Variants in SND1 observed in about 807,000 individuals in gnomAD.
SND1 encodes staphylococcal nuclease and tudor domain containing 1.
A neutral mutation model predicts 121.7 loss-of-function variants in SND1; 38 were observed. The ratio of observed to expected loss-of-function variants is 0.31; its 90% CI spans 0.24 to 0.41. The LOEUF is 0.41. Ranked by LOEUF, SND1 falls within the 10% of genes least tolerant of loss-of-function variation. The pLI is 1.00. For missense variants in SND1, 868 were observed against 1,184.6 expected (o/e 0.73, Z 3.92); for synonymous variants, 401 against 447.4 (o/e 0.90, Z 1.31).
At position 127,672,612 on chromosome 7, in the gene SND1, CA is replaced by C. The variant is rs879874752; in HGVS notation, c.79-13989del. On this transcript the variant is annotated intron_variant, in intron 1 of 23. Transcript: ENST00000354725. ...TGGGCGACAGAGCAAAACTCCATCT[CA>C]AAAAAAAAAAAGAAAGAAAAAGAAA... 2.4e-3 allele frequency among the ~76,000 whole-genome samples: 317 copies of C among 133,178 alleles called. 1 individual carries two copies. Among genetic ancestry groups the C allele is most frequent in the Admixed American group, 3.8e-3 (49 of 13,030 alleles). 87.4% of individuals were successfully genotyped at this position (133,178 alleles called of 152,430 possible). A position where few individuals can be genotyped will look rare whatever the true frequency, so the allele number is the denominator to read the frequency against.
chr7:128,067,140 T>A (rs905901278), intron 16 of SND1, among the ~76,000 whole-genome samples: 1 of 152,132 alleles, frequency 6.6e-6, no homozygotes, highest in Non-Finnish European at 1.5e-5. Context: ...CCTCAGAGAA[T>A]GCAGAGCAGA....
chr7:128,059,629 T>TAGAC (rs1280189933), intron 16 of SND1, among the ~76,000 whole-genome samples: 2 of 152,254 alleles, frequency 1.3e-5, no homozygotes, highest in Non-Finnish European at 2.9e-5. Flanking sequence ...CTAGCCCTGC[T>TAGAC]GTCTTTCTGG....
intron 12 of SND1, among the ~76,000 whole-genome samples, chr7:127,853,680 A>G (rs1421160143): frequency 6.6e-6 from 1 of 152,192 alleles, no homozygotes; most frequent in Non-Finnish European, 1.5e-5. Flanking sequence ...CTGGGCTTCA[A>G]AGTTCCATAG....
chr7:127,812,575 C>CT (rs148298622), intron 11 of SND1, among the ~76,000 whole-genome samples: 7,924 of 152,106 alleles, frequency 0.052, 263 homozygotes, highest in Non-Finnish European at 0.078. Flanking sequence ...ACAGGTGTTG[C>CT]TTTTTTTTAT....
At chr7:128,086,838 A>G (rs910169265) in intron 20 of SND1, 100 bp from the exon 21 acceptor site, 3 of 952,606 alleles carry the variant, frequency 3.1e-6, no homozygotes, top group Non-Finnish European at 5.1e-6. Flanking sequence ...AGGGTGGCCC[A>G]GAGTTAGCAT....
chr7:128,065,734 C>T (rs1223416807), intron 16 of SND1, among the ~76,000 whole-genome samples: 6 of 152,190 alleles, frequency 3.9e-5, no homozygotes, highest in Non-Finnish European at 7.3e-5. Context: ...ATGGCCCAAA[C>T]CAGTGTTCAA....
intron 1 of SND1, among the ~76,000 whole-genome samples, chr7:127,654,294 C>T (rs1795174303): frequency 6.6e-6 from 1 of 152,144 alleles, no homozygotes; most frequent in African/African-American, 2.4e-5. Flanking sequence ...ATTTGTAATA[C>T]CTAACAAGTA....
intron 20 of SND1, chr7:128,086,424 T>A (rs941513909): frequency 2.3e-5 from 5 of 214,828 alleles, no homozygotes; most frequent in African/African-American, 1.2e-4. Flanking sequence ...GAGCCCAGAG[T>A]TGGGCCATGC....
At chr7:127,763,051 A>G (rs892502959) in intron 10 of SND1, among the ~76,000 whole-genome samples, 1 of 152,228 alleles carries the variant, frequency 6.6e-6, no homozygotes, top group African/African-American at 2.4e-5. Flanking sequence ...AAAAGGTAGA[A>G]ACAGTCTAAA....
intron 10 of SND1, among the ~76,000 whole-genome samples, chr7:127,751,163 T>C (rs187559236): frequency 2.6e-4 from 40 of 152,156 alleles, no homozygotes; most frequent in East Asian, 7.7e-4. Flanking sequence ...TGTGTGTGTG[T>C]GCGCGCGTGC....
At chr7:127,770,449 G>T (rs920355690) in intron 10 of SND1, among the ~76,000 whole-genome samples, 1 of 151,624 alleles carries the variant, frequency 6.6e-6, no homozygotes, top group Non-Finnish European at 1.5e-5. Flanking sequence ...TTGCATACCT[G>T]CACTAATTAG....
At chr7:127,844,465 G>A (rs757998848) in intron 12 of SND1, 41 bp downstream of exon 12, 75 of 1,461,036 alleles carry the variant, frequency 5.1e-5, no homozygotes, top group Non-Finnish European at 6.8e-5. Context: ...GTCATCTCAA[G>A]TAGCTAAGAG....
At chr7:127,731,637 T>C (rs1796678441) in intron 10 of SND1, among the ~76,000 whole-genome samples, 1 of 152,180 alleles carries the variant, frequency 6.6e-6, no homozygotes, top group African/African-American at 2.4e-5. Flanking sequence ...GACACTCCTG[T>C]TTGCCTGCCA....
At chr7:127,718,711 G>A in intron 9 of SND1, 1 of 985,372 alleles carries the variant, frequency 1.0e-6, no homozygotes, top group Non-Finnish European at 1.2e-6. Context: ...CCAGTAACTT[G>A]TTACAGGACA....
intron 16 of SND1, among the ~76,000 whole-genome samples, chr7:128,022,225 AAAG>A (rs1563091325): frequency 6.7e-6 from 1 of 150,226 alleles, no homozygotes; most frequent in African/African-American, 2.5e-5. Flanking sequence ...AAAAAAAAAA[AAAG>A]AAGGTAGGAG....
chr7:127,701,377 C>T (rs1442225360), intron 5 of SND1, 54 bp downstream of exon 5: 2 of 1,558,752 alleles, frequency 1.3e-6, no homozygotes, highest in Non-Finnish European at 1.7e-6. Context: ...TTTCTGTTTG[C>T]ACTCTTTGCT....
chr7:127,671,749 A>T (rs969682761), intron 1 of SND1, among the ~76,000 whole-genome samples: 1 of 152,214 alleles, frequency 6.6e-6, no homozygotes, highest in Non-Finnish European at 1.5e-5. Flanking sequence ...CTCAAAGCCA[A>T]TAGCACTATA....
chr7:127,822,896 T>G (rs1798576128), intron 11 of SND1, among the ~76,000 whole-genome samples: 1 of 152,242 alleles, frequency 6.6e-6, no homozygotes. Flanking sequence ...CAAATAGACA[T>G]GAGTTTGAAT....
intron 12 of SND1, among the ~76,000 whole-genome samples, chr7:127,874,746 C>T (rs989258507): frequency 1.3e-5 from 2 of 151,916 alleles, no homozygotes; most frequent in African/African-American, 4.8e-5. Context: ...TCTCCCATAC[C>T]CCTCAAAAAA....
Sources: allele counts gnomAD v4.1 joint callset (sites outside exome capture counted in the v4.1 genomes callset), GRCh38; gene constraint gnomAD v4.1.1; transcripts MANE v1.5; gene names NCBI Gene and HGNC (gene_info 2026-07-23, HGNC 2026-07-21).